Variants in NUP133 observed in about 807,000 individuals in gnomAD.
NUP133 encodes nucleoporin 133.
NUP133 carries 66 observed loss-of-function variants against 146.2 expected under a neutral mutation model. The observed-to-expected ratio is 0.45, with a 90% CI of 0.37 to 0.55. The LOEUF is 0.55. Ranked by LOEUF, NUP133 falls within the 20% of genes least tolerant of loss-of-function variation. NUP133 has a pLI of 0.00. For missense variants in NUP133, 1,277 were observed against 1,374.8 expected, an observed-to-expected ratio of 0.93 and a Z score of 1.12; for synonymous variants, 521 against 498.8, an observed-to-expected ratio of 1.04 and a Z score of -0.59.
intron 2 of NUP133, among the ~76,000 whole-genome samples, chr1:229,505,564 TAA>T (rs56383157): frequency 2.2e-3 from 142 of 63,226 alleles, no homozygotes; most frequent in Middle Eastern, 0.013. Context: ...CAATTACAGT[TAA>T]AAAAAAAAAA....
chr1:229,495,995 C>A lies in NUP133; in HGVS notation c.872G>T (p.Ser291Ile). The change falls in exon 7 of 26, where the codon AGT becomes ATT. Residue 291 changes from serine (S) to isoleucine (I), a missense_variant. By Grantham distance (142) the Ser-to-Ile change is moderately radical (BLOSUM62 -2). Transcript: ENST00000261396. ...RERSSFYSLT[S>I]SNISKWELDD... ...TAATTCCCATTTACTGATGTTTGAA[C>A]TCGTCAGGCTATAAAAGCTTGATCT... 6.2e-7 allele frequency: 1 copy of A among 1,610,866 alleles called. No homozygotes were observed.
At chr1:229,503,458 C>G (rs915603903) in intron 2 of NUP133, among the ~76,000 whole-genome samples, 3 of 152,126 alleles carry the variant, frequency 2.0e-5, no homozygotes, top group African/African-American at 7.2e-5. Context: ...TTATTTAGTA[C>G]ATGGAGACAA....
In NUP133 at chr1:229,495,038, G is replaced by A. The variant is rs545171210; in HGVS notation, c.1046+457C>T. 3.9e-5 allele frequency among the ~76,000 whole-genome samples: 6 copies of A among 152,230 alleles called. No homozygotes were observed. In the South Asian group the frequency reaches 6.2e-4, roughly 16 times the overall value. ...TTTCCCAAATGAACTAACATCACTC[G>A]ATAAACAAGAGCAAGACCATTCAGT... On this transcript the variant is annotated intron_variant, in intron 8 of 25. Transcript: ENST00000261396.
Position 229,466,164 on chromosome 1 carries a change from A to ACAGTTACATTAACAATACGTT in NUP133, c.2199+449_2199+469dup, listed in dbSNP as rs1420302470. Reference sequence around the variant, plus strand: ...AAAAATAGAAATGAGAAATATTTAGACAGTTACATTAACAATACGTTTGCA... The same window carrying ACAGTTACATTAACAATACGTT: ...AAAAATAGAAATGAGAAATATTTAGACAGTTACATTAACAATACGTTCAGTTACATTAACAATACGTTTGCA... On this transcript the variant is annotated intron_variant, in intron 16 of 25. Transcript: ENST00000261396. 5.9e-5 allele frequency among the ~76,000 whole-genome samples: 9 copies of ACAGTTACATTAACAATACGTT among 152,282 alleles called. No homozygotes were observed. In the South Asian group the frequency reaches 1.7e-3, roughly 28 times the overall value.
rs1333700539 is a variant in NUP133, at chr1:229,466,629, TG to T, written c.2199+4del. The T allele has an allele frequency of 1.2e-6, 2 of 1,614,048 alleles. No individual in the cohort carries two copies. Among genetic ancestry groups the T allele is most frequent in the East Asian group, 2.2e-5 (1 of 44,860 alleles). On this transcript the variant is annotated splice_donor_region_variant and intron_variant, in intron 16 of 25. Transcript: ENST00000261396. The stretch of plus-strand genomic sequence containing the variant: ...TTTGCTGAAGCCTTTACTATATTTT[TG>T]TACCTTGAGAATATTGTTCACATTG...
At position 229,463,575 on chromosome 1, in the gene NUP133, G is replaced by C; in HGVS notation, c.2653C>G (p.Leu885Val). ...GCAAACTGGGTCATGTAGCGCTGGA[G>C]TCGGCTCTGGTTGTCAGTCTGCTCA... is the stretch of plus-strand genomic sequence containing the variant. ...MCEQTDNQSRLQRYMTQFADQ... is the reference protein window; with the variant it reads ...MCEQTDNQSRVQRYMTQFADQ... Residue 885 changes from leucine to valine, a missense_variant, in exon 19 of 26, where the codon CTC (leucine) becomes GTC (valine). Coordinates refer to ENST00000261396, the MANE Select transcript of NUP133 (RefSeq NM_018230.3). 1.9e-6 allele frequency: 3 copies of C among 1,614,074 alleles called. No homozygotes were observed. Among genetic ancestry groups the C allele is most frequent in the Non-Finnish European group, 2.5e-6 (3 of 1,180,010 alleles).
At chr1:229,504,707 T>C (rs1432805978) in intron 2 of NUP133, among the ~76,000 whole-genome samples, 3 of 152,200 alleles carry the variant, frequency 2.0e-5, no homozygotes, top group African/African-American at 7.2e-5. Context: ...ATCAACTCTG[T>C]AAACAGGACT....
At chr1:229,445,301 T>C (rs1022714316) in intron 24 of NUP133, among the ~76,000 whole-genome samples, 13 of 152,336 alleles carry the variant, frequency 8.5e-5, no homozygotes, top group Non-Finnish European at 1.2e-4. Context: ...CTTACCTATT[T>C]GATTTCAGAA....
At chr1:229,489,872 T>C (rs937650760) in intron 9 of NUP133, 83 bp downstream of exon 9, 7 of 1,292,942 alleles carry the variant, frequency 5.4e-6, no homozygotes, top group Non-Finnish European at 7.2e-6. Context: ...CAAAACTCTT[T>C]CAATAAATAA....
At chr1:229,484,446 CA>C in intron 11 of NUP133, among the ~76,000 whole-genome samples, 1 of 152,164 alleles carries the variant, frequency 6.6e-6, no homozygotes, top group Non-Finnish European at 1.5e-5. Context: ...TCCTGGGCCG[CA>C]TGCAGCCCAT....
At position 229,489,929 on chromosome 1, in the gene NUP133, T is replaced by C. The variant is rs763187795; in HGVS notation, c.1194+26A>G. On this transcript the variant is annotated intron_variant, in intron 9 of 25. Transcript: ENST00000261396. ...AAAAATACTCAACATATTATTGCTT[T>C]GTAATTTAACCAATATAAATCTTAC... The C allele has an allele frequency of 2.6e-6, 4 of 1,533,630 alleles. No homozygotes were observed. The East Asian group carries it at 6.9e-5, about 27-fold the overall frequency.
intron 12 of NUP133, among the ~76,000 whole-genome samples, chr1:229,482,477 T>C (rs1231391809): frequency 6.6e-6 from 1 of 152,150 alleles, no homozygotes; most frequent in African/African-American, 2.4e-5. Context: ...CTGTCCAAAG[T>C]TTCCCACAGC....
At chr1:229,499,153 G>C (rs1252591329) in intron 5 of NUP133, 1 of 468,256 alleles carries the variant, frequency 2.1e-6, no homozygotes, top group African/African-American at 2.0e-5. Context: ...TTCCGCTTCA[G>C]CCATTCAAAG....
At chr1:229,443,916 TTTA>T (rs1213342666) in intron 25 of NUP133, among the ~76,000 whole-genome samples, 3 of 138,260 alleles carry the variant, frequency 2.2e-5, no homozygotes, top group South Asian at 2.3e-4. Flanking sequence ...TTTTTTTTTT[TTTA>T]AAATAGGGAC....
chr1:229,478,454 G>C (rs75898377), intron 12 of NUP133, among the ~76,000 whole-genome samples: 2,664 of 151,938 alleles, frequency 0.018, 35 homozygotes, highest in Non-Finnish European at 0.028. Flanking sequence ...GGGGAGAACT[G>C]GGGGAGGGGT....
chr1:229,493,249 C>G (rs1661568052), intron 8 of NUP133, among the ~76,000 whole-genome samples: 1 of 152,132 alleles, frequency 6.6e-6, no homozygotes, highest in African/African-American at 2.4e-5. Context: ...GGGATCATAG[C>G]TCACTACAGC....
In NUP133 at chr1:229,508,280, G is replaced by A. The variant is rs762087627; in HGVS notation, c.-31C>T. 6 of 1,411,094 alleles carry A rather than the reference G, an allele frequency of 4.3e-6. No homozygotes were observed. The South Asian group carries it at 7.4e-5, about 17-fold the overall frequency. The allele number at this position is 1,411,094 out of a possible 1,614,324, so 87.4% of individuals were successfully genotyped here. Reference sequence around the variant, plus strand: ...CAAGGAGCAGCGACTAGGACAGCGAGGGATCTGGCCGTCAGGTTGCAGCCT... The same window carrying A: ...CAAGGAGCAGCGACTAGGACAGCGAAGGATCTGGCCGTCAGGTTGCAGCCT... On this transcript the variant is annotated 5_prime_UTR_variant, in exon 1 of 26. Transcript: ENST00000261396.
intron 23 of NUP133, among the ~76,000 whole-genome samples, chr1:229,449,425 T>C (rs1384584750): frequency 6.6e-6 from 1 of 151,028 alleles, no homozygotes; most frequent in Non-Finnish European, 1.5e-5. Context: ...TGGAGTGCAG[T>C]GGCGCGATCT....
chr1:229,480,719 C>T (rs1038640024), intron 12 of NUP133, among the ~76,000 whole-genome samples: 3 of 152,146 alleles, frequency 2.0e-5, no homozygotes, highest in African/African-American at 4.8e-5. Flanking sequence ...TGTTAAACAG[C>T]TTACAATGCA....
Sources: allele counts gnomAD v4.1 joint callset (sites outside exome capture counted in the v4.1 genomes callset), GRCh38; gene constraint gnomAD v4.1.1; transcripts MANE v1.5; gene names NCBI Gene and HGNC (gene_info 2026-07-23, HGNC 2026-07-21).